Variants in TGFB2 observed in about 807,000 individuals in gnomAD.
TGFB2 encodes the protein transforming growth factor beta 2.
A neutral mutation model predicts 42.7 loss-of-function variants in TGFB2; 13 were observed. That is an observed-to-expected ratio of 0.30 (90% confidence interval 0.20 to 0.48). The LOEUF is 0.48. Ranked by LOEUF, TGFB2 falls within the 20% of genes least tolerant of loss-of-function variation. The probability of loss-of-function intolerance (pLI) is 0.99; values close to 1 mark genes in which losing one functional copy is unlikely to be tolerated. For missense variants in TGFB2, 390 were observed against 517.5 expected (o/e 0.75, Z 2.39); for synonymous variants, 193 against 193.6 (o/e 1.00, Z 0.03).
intron 1 of TGFB2, among the ~76,000 whole-genome samples, chr1:218,361,517 A>G (rs879284065): frequency 1.3e-5 from 2 of 152,166 alleles, no homozygotes; most frequent in Non-Finnish European, 2.9e-5. Context: ...CACGGCGTAC[A>G]CTGGCCTGAA....
At chr1:218,355,885 G>A (rs180985854) in intron 1 of TGFB2, among the ~76,000 whole-genome samples, 2 of 152,266 alleles carry the variant, frequency 1.3e-5, no homozygotes, top group East Asian at 1.9e-4. Flanking sequence ...AGAGAATCTG[G>A]ATTTTAGAAA....
At chr1:218,404,255 G>A (rs1390545148) in intron 1 of TGFB2, among the ~76,000 whole-genome samples, 1 of 152,150 alleles carries the variant, frequency 6.6e-6, no homozygotes, top group African/African-American at 2.4e-5. Context: ...TGGGATTACA[G>A]GTGCGCGCCA....
At chr1:218,400,730 TGTGGCACTGCCAGCTTGTG>T (rs1384789216) in intron 1 of TGFB2, among the ~76,000 whole-genome samples, 1 of 152,218 alleles carries the variant, frequency 6.6e-6, no homozygotes, top group Non-Finnish European at 1.5e-5. Context: ...CTGAACATAT[TGTGGCACTGCCAGCTTGTG>T]GTGGGGACAG....
chr1:218,435,132 T>C (rs1659929968), intron 4 of TGFB2, among the ~76,000 whole-genome samples: 1 of 152,202 alleles, frequency 6.6e-6, no homozygotes, highest in African/African-American at 2.4e-5. Flanking sequence ...TCCATGCCTA[T>C]GTGCCGATAC....
At chr1:218,379,441 T>G (rs995224515) in intron 1 of TGFB2, among the ~76,000 whole-genome samples, 1 of 151,308 alleles carries the variant, frequency 6.6e-6, no homozygotes, top group Non-Finnish European at 1.5e-5. Flanking sequence ...GCCAGTACCT[T>G]TTCTTTATTT....
At chr1:218,429,261 G>A (rs553267480) in intron 2 of TGFB2, among the ~76,000 whole-genome samples, 6 of 152,290 alleles carry the variant, frequency 3.9e-5, no homozygotes, top group South Asian at 2.1e-4. Flanking sequence ...GATTACAGGC[G>A]TGAGCCACTG....
At chr1:218,397,651 GTTCTGAAA>G (rs1419458143) in intron 1 of TGFB2, among the ~76,000 whole-genome samples, 1 of 151,916 alleles carries the variant, frequency 6.6e-6, no homozygotes, top group Non-Finnish European at 1.5e-5. Flanking sequence ...TATTTCAGCA[GTTCTGAAA>G]TGTTAGGGTA....
In TGFB2 at chr1:218,428,844, T is replaced by A. The variant is rs2102620304; in HGVS notation, c.511-5238T>A. On this transcript the variant is annotated intron_variant, in intron 2 of 6. Transcript: ENST00000366930. Reference sequence around the variant, plus strand: ...GCTCTTTTTTGGTTCCATATGAACTTTAAAGTAGTTTTTTCCAATTCTGTG... The same window carrying A: ...GCTCTTTTTTGGTTCCATATGAACTATAAAGTAGTTTTTTCCAATTCTGTG... Among the ~76,000 whole-genome samples the A allele has an allele frequency of 2.6e-5, 4 of 152,270 alleles. No individual in the cohort carries two copies. In the Middle Eastern group the frequency reaches 0.014, roughly 518 times the overall value.
intron 1 of TGFB2, among the ~76,000 whole-genome samples, chr1:218,362,389 G>T (rs927096861): frequency 6.6e-6 from 1 of 152,134 alleles, no homozygotes; most frequent in African/African-American, 2.4e-5. Context: ...TTAGACAACT[G>T]CTCATATTCC....
intron 1 of TGFB2, among the ~76,000 whole-genome samples, chr1:218,351,683 G>A (rs1393087325): frequency 6.6e-6 from 1 of 152,136 alleles, no homozygotes; most frequent in Non-Finnish European, 1.5e-5. Context: ...AGGGGCAGGT[G>A]GGGACCTCTC....
intron 1 of TGFB2, among the ~76,000 whole-genome samples, chr1:218,356,365 C>T (rs1011210525): frequency 9.9e-5 from 15 of 151,934 alleles, no homozygotes; most frequent in African/African-American, 2.7e-4. Context: ...CACAGGCATG[C>T]ACCACCATGC....
Position 218,369,670 on chromosome 1 carries a change from G to A in TGFB2, c.346+22623G>A, listed in dbSNP as rs374637125. 2.3e-4 allele frequency among the ~76,000 whole-genome samples: 35 copies of A among 152,234 alleles called. No homozygotes were observed. The South Asian group carries it at 5.4e-3, about 23-fold the overall frequency. The stretch of plus-strand genomic sequence containing the variant: ...CTCGCGGTGAAGCCTAGTCATGGCC[G>A]TCTTTGACATGATGGCCAGGGACAT... On this transcript the variant is annotated intron_variant, in intron 1 of 6. Coordinates refer to ENST00000366930, the MANE Select transcript of TGFB2 (RefSeq NM_003238.6).
At chr1:218,439,299 T>C (rs545619199) in intron 6 of TGFB2, among the ~76,000 whole-genome samples, 2 of 152,270 alleles carry the variant, frequency 1.3e-5, no homozygotes, top group East Asian at 3.9e-4. Context: ...GTTTCTATTC[T>C]GCTCTTTATG....
rs1214689552 is a variant in TGFB2, at chr1:218,345,885, G to A, written c.-817G>A. The stretch of plus-strand genomic sequence containing the variant: ...GCAGCAACGTGGAGTAACCAAGCGG[G>A]TCAGCGCGCGCCCGCCAGGGTGTAG... On this transcript the variant is annotated 5_prime_UTR_variant, in exon 1 of 7. Coordinates refer to ENST00000366930, the MANE Select transcript of TGFB2 (RefSeq NM_003238.6). Among the ~76,000 whole-genome samples, 1 of 152,004 alleles carries A rather than the reference G, an allele frequency of 6.6e-6. No homozygotes were observed. The highest frequency in any genetic ancestry group is 1.5e-5 in the Non-Finnish European group (1 of 67,998).
intron 1 of TGFB2, among the ~76,000 whole-genome samples, chr1:218,377,073 A>AT (rs1348195926): frequency 1.2e-4 from 19 of 152,088 alleles, no homozygotes; most frequent in African/African-American, 4.3e-4. Flanking sequence ...TAAAAAAAAA[A>AT]ATTTTTATAG....
chr1:218,426,589 G>A lies in TGFB2; in HGVS notation c.511-7493G>A, dbSNP rs564081934. 1.8e-4 allele frequency among the ~76,000 whole-genome samples: 27 copies of A among 152,262 alleles called. No homozygotes were observed. The East Asian group carries it at 4.6e-3, about 26-fold the overall frequency. On this transcript the variant is annotated intron_variant, in intron 2 of 6. Transcript: ENST00000366930. ...TATATATCAGTAATGTAATGAAGGT[G>A]GCATTCAAACATCACTGTGGGTGGC...
At chr1:218,366,445 C>T (rs12096466) in intron 1 of TGFB2, among the ~76,000 whole-genome samples, 5,765 of 151,918 alleles carry the variant, frequency 0.038, 237 homozygotes, top group African/African-American at 0.1. Flanking sequence ...TAGCTAGGAC[C>T]ACAAGTGTGC....
At chr1:218,413,537 A>G (rs908051915) in intron 2 of TGFB2, among the ~76,000 whole-genome samples, 6 of 152,246 alleles carry the variant, frequency 3.9e-5, no homozygotes, top group African/African-American at 1.4e-4. Context: ...CACCGCTAGC[A>G]TGGCAAAGGG....
intron 1 of TGFB2, among the ~76,000 whole-genome samples, chr1:218,373,466 T>C (rs1538926): frequency 0.062 from 9,473 of 151,770 alleles, 1,018 homozygotes; most frequent in African/African-American, 0.22. Context: ...ATATGATTAG[T>C]TATAATATGA....
Sources: allele counts gnomAD v4.1 joint callset (sites outside exome capture counted in the v4.1 genomes callset), GRCh38; gene constraint gnomAD v4.1.1; transcripts MANE v1.5; gene names NCBI Gene and HGNC (gene_info 2026-07-23, HGNC 2026-07-21).